The following LRRC4C variants were observed in gnomAD, a reference collection of about 807,000 sequenced individuals.
The protein encoded by LRRC4C is leucine rich repeat containing 4C, also known as leucine-rich repeat-containing protein 4C.
A neutral mutation model predicts 33.6 loss-of-function variants in LRRC4C; 5 were observed. That is an observed-to-expected ratio of 0.15 (90% CI 0.08 to 0.31). LRRC4C has a LOEUF of 0.31. Ranked by LOEUF, LRRC4C falls within the 10% of genes least tolerant of loss-of-function variation. LRRC4C has a pLI of 1.00. For synonymous variants in LRRC4C, 329 were observed against 302.0 expected (o/e 1.09, Z -0.93); for missense variants, 560 against 796.7 (o/e 0.70, Z 3.58).
chr11:40,827,130 C>T (rs754885166), intron 2 of LRRC4C, among the ~76,000 whole-genome samples: 32 of 151,684 alleles, frequency 2.1e-4, no homozygotes, highest in Non-Finnish European at 3.5e-4. Flanking sequence ...CACAACAACC[C>T]GTTTCCAATA....
chr11:41,395,812 C>T (rs1953786102), intron 1 of LRRC4C, among the ~76,000 whole-genome samples: 1 of 151,984 alleles, frequency 6.6e-6, no homozygotes, highest in South Asian at 2.1e-4. Flanking sequence ...CTCCTCTTAC[C>T]CTCCAACACA....
At chr11:41,415,061 G>C (rs1396218543) in intron 1 of LRRC4C, among the ~76,000 whole-genome samples, 1 of 152,056 alleles carries the variant, frequency 6.6e-6, no homozygotes, top group African/African-American at 2.4e-5. Flanking sequence ...TCCACATACA[G>C]TGCATCTGCT....
chr11:41,308,266 C>T (rs761110391), intron 1 of LRRC4C, among the ~76,000 whole-genome samples: 4 of 152,036 alleles, frequency 2.6e-5, no homozygotes, highest in South Asian at 2.1e-4. Flanking sequence ...TGGAGAAAAA[C>T]GCATACATTC....
intron 5 of LRRC4C, among the ~76,000 whole-genome samples, chr11:40,175,688 T>A (rs370881760): frequency 6.6e-6 from 1 of 152,146 alleles, no homozygotes; most frequent in African/African-American, 2.4e-5. Context: ...AATTAAATAA[T>A]TCCAAAGCAC....
At chr11:40,620,827 G>A (rs1477291907) in intron 3 of LRRC4C, among the ~76,000 whole-genome samples, 1 of 151,722 alleles carries the variant, frequency 6.6e-6, no homozygotes, top group East Asian at 1.9e-4. Context: ...TCATTGGTAG[G>A]GAAAGTACAA....
At chr11:40,525,922 A>G (rs1054810662) in intron 3 of LRRC4C, among the ~76,000 whole-genome samples, 3 of 152,188 alleles carry the variant, frequency 2.0e-5, no homozygotes, top group Non-Finnish European at 4.4e-5. Context: ...TGGGACTAGA[A>G]CAGATTCACA....
chr11:40,522,081 G>A (rs190994636), intron 3 of LRRC4C, among the ~76,000 whole-genome samples: 3 of 152,238 alleles, frequency 2.0e-5, no homozygotes, highest in Admixed American at 2.0e-4. Context: ...GGAGTGCGAT[G>A]GCACAATCTC....
intron 3 of LRRC4C, among the ~76,000 whole-genome samples, chr11:40,504,095 T>G (rs1458992895): frequency 1.3e-5 from 2 of 152,116 alleles, no homozygotes; most frequent in African/African-American, 4.8e-5. Flanking sequence ...GCACTTATTA[T>G]TTTCACCCAC....
intron 2 of LRRC4C, among the ~76,000 whole-genome samples, chr11:40,804,899 A>G (rs920700155): frequency 3.9e-5 from 6 of 152,192 alleles, no homozygotes; most frequent in African/African-American, 1.4e-4. Context: ...GGAAAAATTA[A>G]CTCATTGGAT....
At chr11:41,382,084 A>T (rs1953177894) in intron 1 of LRRC4C, among the ~76,000 whole-genome samples, 1 of 152,018 alleles carries the variant, frequency 6.6e-6, no homozygotes, top group African/African-American at 2.4e-5. Flanking sequence ...TGAATAGGCA[A>T]TGACTCACAA....
At chr11:40,218,333 C>T (rs1864122137) in intron 5 of LRRC4C, among the ~76,000 whole-genome samples, 1 of 152,054 alleles carries the variant, frequency 6.6e-6, no homozygotes, top group Admixed American at 6.6e-5. Flanking sequence ...AAAAGAATAA[C>T]TTTGCTAGGG....
chr11:40,159,002 G>A (rs182750464), intron 5 of LRRC4C, among the ~76,000 whole-genome samples: 64 of 152,218 alleles, frequency 4.2e-4, no homozygotes, highest in African/African-American at 1.4e-3. Context: ...GAGCATGATA[G>A]GATTAAGTGG....
intron 1 of LRRC4C, among the ~76,000 whole-genome samples, chr11:41,352,686 C>T (rs1591332272): frequency 6.6e-6 from 1 of 151,900 alleles, no homozygotes; most frequent in African/African-American, 2.4e-5. Flanking sequence ...TGGAAGACAG[C>T]ACAATAACAA....
chr11:40,383,522 T>C lies in LRRC4C; in HGVS notation c.-269-63801A>G, dbSNP rs560047118. 3.3e-5 allele frequency among the ~76,000 whole-genome samples: 5 copies of C among 152,280 alleles called. No homozygotes were observed. The South Asian group carries it at 1.0e-3, about 32-fold the overall frequency. On this transcript the variant is annotated intron_variant, in intron 3 of 6. Transcript: ENST00000528697. ...TTCTTCACATTCTTACCAACATTTG[T>C]TATCTTATTTATTTTTTAATAGCCA...
chr11:41,227,282 C>T (rs1426846763), intron 1 of LRRC4C, among the ~76,000 whole-genome samples: 11 of 151,776 alleles, frequency 7.2e-5, no homozygotes, highest in Non-Finnish European at 2.9e-5. Flanking sequence ...ATATTATATA[C>T]ATTTAAGATC....
At chr11:40,454,319 T>G (rs1345104428) in intron 3 of LRRC4C, among the ~76,000 whole-genome samples, 1 of 152,138 alleles carries the variant, frequency 6.6e-6, no homozygotes, top group Non-Finnish European at 1.5e-5. Context: ...CTCACTCACT[T>G]GTACTGTATT....
chr11:40,710,806 T>C (rs1946423612), intron 2 of LRRC4C, among the ~76,000 whole-genome samples: 1 of 152,138 alleles, frequency 6.6e-6, no homozygotes, highest in Non-Finnish European at 1.5e-5. Flanking sequence ...CCCCCAGAGG[T>C]GGAGTCTACA....
At chr11:40,704,560 G>T (rs987947627) in intron 2 of LRRC4C, among the ~76,000 whole-genome samples, 1 of 152,100 alleles carries the variant, frequency 6.6e-6, no homozygotes, top group African/African-American at 2.4e-5. Flanking sequence ...AGAGTGTAGT[G>T]GTGAAGAGCA....
At chr11:40,494,724 A>G (rs1954340344) in intron 3 of LRRC4C, among the ~76,000 whole-genome samples, 1 of 152,152 alleles carries the variant, frequency 6.6e-6, no homozygotes, top group Non-Finnish European at 1.5e-5. Context: ...TTCATAGGAG[A>G]AGAAGCACTA....
Sources: gnomAD v4.1 joint callset for allele counts (sites outside exome capture counted in the v4.1 genomes callset) on GRCh38, gnomAD v4.1.1 for gene constraint, MANE v1.5 for transcripts, NCBI Gene and HGNC (gene_info 2026-07-23, HGNC 2026-07-21) for gene names.